Variants in GLUD1 observed in about 807,000 individuals in gnomAD.
The protein encoded by GLUD1 is glutamate dehydrogenase 1.
A neutral mutation model predicts 56.0 loss-of-function variants in GLUD1; 22 were observed. The observed-to-expected ratio is 0.39, with a 90% CI of 0.28 to 0.56. The LOEUF (loss-of-function observed/expected upper bound fraction) is 0.56. Ranked by LOEUF, GLUD1 falls within the 20% of genes least tolerant of loss-of-function variation. The pLI, the probability that GLUD1 is intolerant of heterozygous loss-of-function variation, is 0.58. For synonymous variants in GLUD1, 223 were observed against 269.9 expected, an observed-to-expected ratio of 0.83 and a Z score of 1.70; for missense variants, 451 against 732.0, an observed-to-expected ratio of 0.62 and a Z score of 4.43.
At chr10:87,068,410 C>T (rs577079750) in intron 4 of GLUD1, among the ~76,000 whole-genome samples, 19 of 152,314 alleles carry the variant, frequency 1.2e-4, no homozygotes, top group Admixed American at 6.5e-4. Flanking sequence ...TAGCTATGCA[C>T]AACAGATATA....
At position 87,050,462 on chromosome 10, in the gene GLUD1, A is replaced by G. The variant is rs1229711628; in HGVS notation, c.*1289T>C. On this transcript the variant is annotated 3_prime_UTR_variant, in exon 13 of 13. Coordinates refer to ENST00000277865, the MANE Select transcript of GLUD1 (RefSeq NM_005271.5). Reference sequence around the variant, plus strand: ...TATGAAAAGAGAAACTACCACATGTAAAAACACAGAAAAGAAACGTAAGTT... The same window carrying G: ...TATGAAAAGAGAAACTACCACATGTGAAAACACAGAAAAGAAACGTAAGTT... The G allele has an allele frequency of 6.6e-6, 1 of 152,194 alleles. No individual in the cohort carries two copies. Among genetic ancestry groups the G allele is most frequent in the Non-Finnish European group, 1.5e-5 (1 of 68,046 alleles). The allele number at this position is 152,194 out of a possible 1,614,324, so 9.4% of individuals were successfully genotyped here. A position where few individuals can be genotyped will look rare whatever the true frequency, so the allele number is the denominator to read the frequency against.
intron 1 of GLUD1, among the ~76,000 whole-genome samples, chr10:87,088,406 A>G (rs994338706): frequency 1.1e-4 from 16 of 152,322 alleles, no homozygotes; most frequent in African/African-American, 3.8e-4. Context: ...GGAACAAAAA[A>G]CACATAATAG....
chr10:87,074,554 T>C lies in GLUD1; in HGVS notation c.643A>G (p.Ile215Val). The C allele has an allele frequency of 3.2e-6, 5 of 1,554,548 alleles. No individual in the cohort carries two copies. The highest frequency in any genetic ancestry group is 4.4e-6 in the Non-Finnish European group (5 of 1,125,872). The change falls in exon 4 of 13, where the codon ATT (isoleucine) becomes GTT (valine). Residue 215 changes from isoleucine (I) to valine (V), a missense_variant. Around this residue, in one of 4 missense-constraint regions of GLUD1, gnomAD observed 248 missense variants for 460.0 expected, o/e 0.54. Coordinates refer to ENST00000277865, the MANE Select transcript of GLUD1 (RefSeq NM_005271.5). Reference sequence around the variant, plus strand: ...AAAACTATGTGGCTACACATACCAATAAAGCCCTTTTTTGCTAGCTCCATG... The same window carrying C: ...AAAACTATGTGGCTACACATACCAACAAAGCCCTTTTTTGCTAGCTCCATG... ...FTMELAKKGF[I>V]GPGIDVPAPD...
At chr10:87,058,909 T>G in intron 10 of GLUD1, among the ~76,000 whole-genome samples, 1 of 151,712 alleles carries the variant, frequency 6.6e-6, no homozygotes, top group Non-Finnish European at 1.5e-5. Context: ...AAAAAAAAAA[T>G]GTAGATTATA....
Position 87,093,406 on chromosome 10 carries a change from GA to G in GLUD1, c.445+918del, listed in dbSNP as rs201044048. On this transcript the variant is annotated intron_variant, in intron 1 of 12. Transcript: ENST00000277865. ...GAGGTATGATGCAATGTATTGGGGG[GA>G]AAAAAGCTCTTATTTGCTCGAAGAA... Among the ~76,000 whole-genome samples, 833 of 152,124 alleles carry G rather than the reference GA, an allele frequency of 5.5e-3. 10 individuals carry two copies. The highest frequency in any genetic ancestry group is 0.019 in the African/African-American group (772 of 41,444).
At chr10:87,069,817 C>T (rs548936416) in intron 4 of GLUD1, among the ~76,000 whole-genome samples, 29 of 151,784 alleles carry the variant, frequency 1.9e-4, no homozygotes, top group Non-Finnish European at 3.1e-4. Flanking sequence ...GTCTTAGCAC[C>T]CTTCCCTTAG....
intron 1 of GLUD1, among the ~76,000 whole-genome samples, chr10:87,091,893 A>G (rs1841517901): frequency 6.6e-6 from 1 of 151,846 alleles, no homozygotes; most frequent in African/African-American, 2.4e-5. Flanking sequence ...AATGGGAGAG[A>G]AGACAGGTTA....
chr10:87,088,753 A>T (rs1482867986), intron 1 of GLUD1, among the ~76,000 whole-genome samples: 6 of 152,264 alleles, frequency 3.9e-5, no homozygotes, highest in Admixed American at 3.9e-4. Context: ...TCCAAGAATA[A>T]TAATCAAGAG....
chr10:87,052,668 T>TAAAAAAAAAAAAAAA lies in GLUD1; in HGVS notation c.1557+673_1557+674insTTTTTTTTTTTTTTT, dbSNP rs1285140190. On this transcript the variant is annotated intron_variant, in intron 12 of 12. Transcript: ENST00000277865. ...CTGGGCAACAGGGCAAAACTCCGTC[T>TAAAAAAAAAAAAAAA]CAAAAAAAAAAAAAAAAAAAAAAAA... Among the ~76,000 whole-genome samples the TAAAAAAAAAAAAAAA allele has an allele frequency of 4.2e-4, 7 of 16,568 alleles. 1 individual carries two copies. Among genetic ancestry groups the TAAAAAAAAAAAAAAA allele is most frequent in the African/African-American group, 9.1e-4 (7 of 7,664 alleles). 10.9% of individuals were successfully genotyped at this position (16,568 alleles called of 152,430 possible).
At chr10:87,071,500 C>T (rs1375501200) in intron 4 of GLUD1, among the ~76,000 whole-genome samples, 2 of 152,066 alleles carry the variant, frequency 1.3e-5, no homozygotes, top group Non-Finnish European at 2.9e-5. Context: ...CAGATAAATT[C>T]TTATATAGAG....
At chr10:87,069,832 C>T (rs1014900396) in intron 4 of GLUD1, among the ~76,000 whole-genome samples, 2 of 146,404 alleles carry the variant, frequency 1.4e-5, no homozygotes, top group African/African-American at 5.2e-5. Flanking sequence ...CCTTAGTCAC[C>T]TTAAAAATCT....
chr10:87,055,004 A>G (rs1235001928), intron 11 of GLUD1, among the ~76,000 whole-genome samples: 1 of 152,210 alleles, frequency 6.6e-6, no homozygotes, highest in Non-Finnish European at 1.5e-5. Flanking sequence ...ATGAGCTGGA[A>G]TGCAGGGCAG....
At chr10:87,080,407 AGATGT>A (rs1264375254) in intron 1 of GLUD1, among the ~76,000 whole-genome samples, 2 of 146,994 alleles carry the variant, frequency 1.4e-5, no homozygotes, top group Non-Finnish European at 3.0e-5. Flanking sequence ...CCATCGTCTG[AGATGT>A]GAGGAGCCCC....
At chr10:87,086,492 C>G (rs916433585) in intron 1 of GLUD1, among the ~76,000 whole-genome samples, 1 of 152,116 alleles carries the variant, frequency 6.6e-6, no homozygotes, top group Admixed American at 6.5e-5. Context: ...GCTTTCTGTG[C>G]CCTGCTAGAT....
chr10:87,059,545 T>C (rs1188198025), intron 9 of GLUD1, among the ~76,000 whole-genome samples: 1 of 152,196 alleles, frequency 6.6e-6, no homozygotes, highest in Non-Finnish European at 1.5e-5. Flanking sequence ...GAGCCTCTTC[T>C]CTACCAGAAG....
At chr10:87,052,568 G>C (rs1845663529) in intron 12 of GLUD1, among the ~76,000 whole-genome samples, 1 of 149,332 alleles carries the variant, frequency 6.7e-6, no homozygotes, top group Non-Finnish European at 1.5e-5. Context: ...TACTCGGGAG[G>C]CTAAGGGACA....
At chr10:87,066,600 A>C (rs1846083131) in intron 5 of GLUD1, among the ~76,000 whole-genome samples, 1 of 152,102 alleles carries the variant, frequency 6.6e-6, no homozygotes, top group South Asian at 2.1e-4. Flanking sequence ...GTCCATGTCC[A>C]CACACCCGTC....
In GLUD1 at chr10:87,094,543, C is replaced by T; in HGVS notation, c.227G>A (p.Arg76His). Residue 76 changes from arginine to histidine, a missense_variant, in exon 1 of 13, where the codon CGC (arginine) becomes CAC (histidine). This residue lies in a region of GLUD1 where 158 missense variants were observed against 189.7 expected (regional missense o/e 0.83). Transcript: ENST00000277865. This position sits in a 1 kb window ranked among gnomAD's most constrained non-coding sequence, Gnocchi z 6.6. ...FFKMVEGFFD[R>H]GASIVEDKLV... is the part of the protein sequence containing the mutation. ...CTTGTCCTCCACGATGCTGGCGCCG[C>T]GATCGAAGAAGCCCTCCACCATCTT... 1 of 1,612,492 alleles carries T rather than the reference C, an allele frequency of 6.2e-7. No individual in the cohort carries two copies. The highest frequency in any genetic ancestry group is 1.1e-5 in the South Asian group (1 of 91,018).
At chr10:87,059,326 C>A (rs1589357249) in intron 9 of GLUD1, 53 bp from the exon 10 acceptor site, 1 of 1,578,940 alleles carries the variant, frequency 6.3e-7, no homozygotes, top group East Asian at 2.2e-5. Flanking sequence ...TTCGTAAAAG[C>A]TGAAAATGAA....
Sources: gnomAD v4.1 joint callset for allele counts (sites outside exome capture counted in the v4.1 genomes callset) on GRCh38, gnomAD v4.1.1 for gene constraint, gnomAD v4.1.1 regional missense constraint, Gnocchi (gnomAD v3.1) non-coding constraint, MANE v1.5 for transcripts, NCBI Gene and HGNC (gene_info 2026-07-23, HGNC 2026-07-21) for gene names.